The following TNC variants were observed in gnomAD, a reference collection of about 807,000 sequenced individuals.
The protein encoded by TNC is tenascin C, also known as tenascin.
TNC carries 109 observed loss-of-function variants against 202.4 expected under a neutral mutation model. The ratio of observed to expected loss-of-function variants is 0.54; its 90% CI spans 0.46 to 0.63. TNC has a LOEUF of 0.63. Among genes scored for constraint, TNC ranks in the 30% least tolerant of loss-of-function variants. The pLI is 0.00. For synonymous variants in TNC, 1,007 were observed against 1,089.7 expected (o/e 0.92, Z 1.50); for missense variants, 2,756 against 2,833.3 (o/e 0.97, Z 0.62).
intron 18 of TNC, 151 bp from the exon 19 acceptor site, chr9:115,041,235 G>A: frequency 3.5e-6 from 3 of 858,578 alleles, no homozygotes; most frequent in South Asian, 4.7e-5. Flanking sequence ...CTACCCTCTG[G>A]CATAAGGGAA....
Position 115,030,257 on chromosome 9 carries a change from C to G in TNC, c.6069G>C (p.Trp2023Cys). 6.2e-7 allele frequency: 1 copy of G among 1,607,888 alleles called. No individual in the cohort carries two copies. ...FCDMTSDGGG[W>C]IVFLRRKNGR... Reference sequence around the variant, plus strand: ...TGCAGTCCCTGGTGGTACTCACAATCCATCCACCCCCATCAGAGGTCATGT... The same window carrying G: ...TGCAGTCCCTGGTGGTACTCACAATGCATCCACCCCCATCAGAGGTCATGT... Residue 2023 changes from tryptophan to cysteine, a missense_variant, in exon 24 of 28, where the codon TGG (tryptophan) becomes TGC (cysteine). Trp to Cys is a radical substitution (Grantham distance 215). Coordinates refer to ENST00000350763, the MANE Select transcript of TNC (RefSeq NM_002160.4).
intron 1 of TNC, among the ~76,000 whole-genome samples, chr9:115,101,343 C>G (rs1836221163): frequency 6.6e-6 from 1 of 152,206 alleles, no homozygotes. Flanking sequence ...TCCTGAGTAG[C>G]TGTGATTACA....
At chr9:115,047,403 T>C (rs76260812) in intron 16 of TNC, among the ~76,000 whole-genome samples, 2,434 of 152,286 alleles carry the variant, frequency 0.016, 70 homozygotes, top group African/African-American at 0.056. Context: ...AATGTAGATT[T>C]AGAGCTGAGT....
chr9:115,075,858 G>A (rs917517704), intron 9 of TNC, among the ~76,000 whole-genome samples, 174 bp downstream of exon 9: 3 of 152,210 alleles, frequency 2.0e-5, no homozygotes, highest in African/African-American at 7.2e-5. Flanking sequence ...GCATCATACA[G>A]ATGGACCGTA....
At chr9:115,066,477 T>C (rs1017434775) in intron 10 of TNC, among the ~76,000 whole-genome samples, 1 of 152,226 alleles carries the variant, frequency 6.6e-6, no homozygotes, top group African/African-American at 2.4e-5. Context: ...GGAATTTGAT[T>C]GAGGATATCC....
chr9:115,027,119 A>AAG (rs543474801), intron 25 of TNC, among the ~76,000 whole-genome samples: 121,821 of 142,398 alleles, frequency 0.86, 50,669 homozygotes, highest in East Asian at 0.99. Flanking sequence ...AGAAAGCAAA[A>AAG]AAAAAAAAAA....
At chr9:115,047,807 C>T (rs894647775) in intron 16 of TNC, among the ~76,000 whole-genome samples, 1 of 152,158 alleles carries the variant, frequency 6.6e-6, no homozygotes, top group Non-Finnish European at 1.5e-5. Context: ...AATAAGTTCA[C>T]ATTTGGTTTT....
At chr9:115,023,869 C>T in intron 27 of TNC, 104 bp downstream of exon 27, 1 of 1,318,860 alleles carries the variant, frequency 7.6e-7, no homozygotes, top group African/African-American at 1.5e-5. Context: ...AAGTAAGGTT[C>T]CTGCCTCCTA....
At chr9:115,117,488 A>T (rs2134598262) in intron 1 of TNC, among the ~76,000 whole-genome samples, 1 of 152,310 alleles carries the variant, frequency 6.6e-6, no homozygotes, top group Non-Finnish European at 1.5e-5. Flanking sequence ...AAATGAGGGA[A>T]TGGGTACAAA....
At position 115,031,698 on chromosome 9, in the gene TNC, G is replaced by A; in HGVS notation, c.5788-13C>T. ...CCACAATGACTTCCTAAGAGCAGAA[G>A]AAAAAGTATAATGGCTTTTGGTCAC... On this transcript the variant is annotated splice_polypyrimidine_tract_variant and intron_variant, in intron 22 of 27. Transcript: ENST00000350763. 1 of 1,603,472 alleles carries A rather than the reference G, an allele frequency of 6.2e-7. No individual in the cohort carries two copies. The highest frequency in any genetic ancestry group is 1.1e-5 in the South Asian group (1 of 89,442).
chr9:115,074,732 C>T (rs1203366833), intron 9 of TNC, among the ~76,000 whole-genome samples: 1 of 152,142 alleles, frequency 6.6e-6, no homozygotes, highest in Non-Finnish European at 1.5e-5. Flanking sequence ...TAAGACTGTT[C>T]TGTATCTTGA....
chr9:115,067,666 G>T (rs1361268889), intron 10 of TNC, among the ~76,000 whole-genome samples: 2 of 152,068 alleles, frequency 1.3e-5, no homozygotes, highest in African/African-American at 4.8e-5. Context: ...CTTTGAATCG[G>T]ATATTTAGTA....
chr9:115,043,835 C>A (rs778890498), intron 17 of TNC, among the ~76,000 whole-genome samples: 4 of 152,236 alleles, frequency 2.6e-5, no homozygotes, highest in Non-Finnish European at 4.4e-5. Flanking sequence ...ATTGCTTTGA[C>A]TGAAAACCTC....
intron 20 of TNC, 21 bp downstream of exon 20, chr9:115,038,240 G>C: frequency 6.2e-7 from 1 of 1,611,508 alleles, no homozygotes; most frequent in Non-Finnish European, 8.5e-7. Flanking sequence ...AGAGTGAGGA[G>C]AGACTTGGAC....
Position 115,040,955 on chromosome 9 carries a change from C to T in TNC, c.5378G>A (p.Gly1793Glu). ...CACCAACTCACCTGTGGTGAATGACCCTGAGACAGGTTCACTTTCCTCAAA... is the reference window on the plus strand; with the variant it reads ...CACCAACTCACCTGTGGTGAATGACTCTGAGACAGGTTCACTTTCCTCAAA... ...KGFEESEPVS[G>E]SFTTALDGPS... The change falls in exon 19 of 28, where the codon GGG (glycine) becomes GAG (glutamate). Residue 1793 changes from glycine to glutamate, a missense_variant. Around this residue, in one of 2 missense-constraint regions of TNC, gnomAD observed 2,559 missense variants for 2,546.0 expected, o/e 1.01. Transcript: ENST00000350763. 1 of 1,613,370 alleles carries T rather than the reference C, an allele frequency of 6.2e-7. No homozygotes were observed. Among genetic ancestry groups the T allele is most frequent in the Non-Finnish European group, 8.5e-7 (1 of 1,179,660 alleles).
At chr9:115,094,814 CCTCTGTGTGTGTGTGT>C (rs1256782797) in intron 1 of TNC, among the ~76,000 whole-genome samples, 41 of 66,752 alleles carry the variant, frequency 6.1e-4, no homozygotes, top group African/African-American at 1.3e-3. Flanking sequence ...AGAACAAGTG[CCTCTGTGTGTGTGTGT>C]GTGTGTGTGT....
Position 115,020,897 on chromosome 9 carries a change from G to C in TNC, c.*260C>G, listed in dbSNP as rs1004145115. On this transcript the variant is annotated 3_prime_UTR_variant, in exon 28 of 28. Transcript: ENST00000350763. ...AAGAGAAGTAAAAAACTATTGCGAT[G>C]TTGTCACTGGGAGATTTTTGCTGAA... The C allele has an allele frequency of 8.8e-6, 4 of 453,060 alleles. No homozygotes were observed. Among genetic ancestry groups the C allele is most frequent in the Non-Finnish European group, 7.8e-6 (2 of 254,844 alleles). The allele number at this position is 453,060 out of a possible 1,614,324, so 28.1% of individuals were successfully genotyped here. A position where few individuals can be genotyped will look rare whatever the true frequency, so the allele number is the denominator to read the frequency against.
rs1019658834 is a variant in TNC at position 115,035,405 on chromosome 9, A to T, written c.5657-71T>A. On this transcript the variant is annotated intron_variant, in intron 21 of 27. Coordinates refer to ENST00000350763, the MANE Select transcript of TNC (RefSeq NM_002160.4). ...AGGGCAGAAATTCGGGCTGGGTATC[A>T]AGAAGACTGGGTTCAAGTCCTTTCC... 3 of 1,523,290 alleles carry T rather than the reference A, an allele frequency of 2.0e-6. No individual in the cohort carries two copies. The African/African-American group carries it at 4.2e-5, about 21-fold the overall frequency. 94.4% of individuals were successfully genotyped at this position (1,523,290 alleles called of 1,614,324 possible).
At chr9:115,112,944 ATG>A (rs1837195234) in intron 1 of TNC, among the ~76,000 whole-genome samples, 1 of 152,176 alleles carries the variant, frequency 6.6e-6, no homozygotes, top group South Asian at 2.1e-4. Flanking sequence ...GCACTTGCTT[ATG>A]TGTGTCTATG....
Sources: gnomAD v4.1 joint callset for allele counts (sites outside exome capture counted in the v4.1 genomes callset) on GRCh38, gnomAD v4.1.1 for gene constraint, gnomAD v4.1.1 regional missense constraint, MANE v1.5 for transcripts, NCBI Gene and HGNC (gene_info 2026-07-23, HGNC 2026-07-21) for gene names.